The following SCRT1 variants were observed in gnomAD, a reference collection of about 807,000 sequenced individuals.
SCRT1 encodes the protein scratch family transcriptional repressor 1, also known as transcriptional repressor scratch 1.
SCRT1 carries 1 observed loss-of-function variant against 3.4 expected under a neutral mutation model. The observed-to-expected ratio is 0.29, with a 90% confidence interval of 0.10 to 1.39. The LOEUF (loss-of-function observed/expected upper bound fraction) is 1.39, where lower values mean the gene tolerates loss of function less well. Ranked by LOEUF, SCRT1 falls within the 40% of genes most tolerant of loss-of-function variation. SCRT1 has a pLI of 0.42. For synonymous variants in SCRT1, 238 were observed against 247.0 expected (o/e 0.96, Z 0.34); for missense variants, 380 against 526.3 (o/e 0.72, Z 2.72).
Position 144,336,233 on chromosome 8 carries a change from AG to A in SCRT1, c.-65del. 7.9e-7 allele frequency: 1 copy of A among 1,264,248 alleles called. No homozygotes were observed. Among genetic ancestry groups the A allele is most frequent in the Non-Finnish European group, 1.1e-6 (1 of 915,344 alleles). 78.3% of individuals were successfully genotyped at this position (1,264,248 alleles called of 1,614,324 possible). On this transcript the variant is annotated 5_prime_UTR_variant, in exon 1 of 2. Transcript: ENST00000569446. This position sits in a 1 kb window ranked among gnomAD's most constrained non-coding sequence, Gnocchi z 6.8. ...CGGGGCTTGGGGGGGCTGCGGCGGC[AG>A]GGCCCCGTCACCATCCGAGGAGCGG... is the stretch of plus-strand genomic sequence containing the variant.
In SCRT1 at chr8:144,332,460, T is replaced by A. The variant is rs1817789569; in HGVS notation, c.*725A>T. 6.6e-6 allele frequency: 1 copy of A among 151,240 alleles called. No homozygotes were observed. Among genetic ancestry groups the A allele is most frequent in the Non-Finnish European group, 1.5e-5 (1 of 67,828 alleles). 9.4% of individuals were successfully genotyped at this position (151,240 alleles called of 1,614,324 possible). A position where few individuals can be genotyped will look rare whatever the true frequency, so the allele number is the denominator to read the frequency against. ...GGTCTGAGGAGGTCGGATAAGTCCATGCGATTCGATATGTGTCATTATTAT... is the reference window on the plus strand; with the variant it reads ...GGTCTGAGGAGGTCGGATAAGTCCAAGCGATTCGATATGTGTCATTATTAT... On this transcript the variant is annotated 3_prime_UTR_variant, in exon 2 of 2. Transcript: ENST00000569446.
rs1554849800 is a variant in SCRT1, at chr8:144,333,174, G to A, written c.*11C>T. On this transcript the variant is annotated 3_prime_UTR_variant, in exon 2 of 2. Coordinates refer to ENST00000569446, the MANE Select transcript of SCRT1 (RefSeq NM_031309.6). ...CTGAGAGCCGACCTGGCTGGGGGAG[G>A]CCCCGCCGCCCTAGGCCTGCACAGG... 2 of 1,496,310 alleles carry A rather than the reference G, an allele frequency of 1.3e-6. No individual in the cohort carries two copies. The highest frequency in any genetic ancestry group is 2.6e-5 in the Admixed American group (1 of 38,468). The allele number at this position is 1,496,310 out of a possible 1,614,324, so 92.7% of individuals were successfully genotyped here.
Position 144,331,027 on chromosome 8 carries a change from G to A in SCRT1, c.*2158C>T, listed in dbSNP as rs1361638213. 2 of 152,564 alleles carry A rather than the reference G, an allele frequency of 1.3e-5. No homozygotes were observed. The highest frequency in any genetic ancestry group is 2.4e-5 in the African/African-American group (1 of 41,440). 9.5% of individuals were successfully genotyped at this position (152,564 alleles called of 1,614,324 possible). A position where few individuals can be genotyped will look rare whatever the true frequency, so the allele number is the denominator to read the frequency against. On this transcript the variant is annotated 3_prime_UTR_variant, in exon 2 of 2. Coordinates refer to ENST00000569446, the MANE Select transcript of SCRT1 (RefSeq NM_031309.6). ...AGCTTTCTCCTTAGGTAGGTAGACA[G>A]GAGTATGGGGTGGGGTGAGGTGGGG...
rs1554850248 is a variant in SCRT1 at position 144,336,028 on chromosome 8, G to A, written c.115+27C>T. ...CGCTTCCAGCAAAGCCCCAGGCCCC[G>A]CGCCCTGGTCTCAGACCAGCGCTCA... On this transcript the variant is annotated intron_variant, in intron 1 of 1. Coordinates refer to ENST00000569446, the MANE Select transcript of SCRT1 (RefSeq NM_031309.6). This position sits in a 1 kb window ranked among gnomAD's most constrained non-coding sequence, Gnocchi z 6.8. The A allele has an allele frequency of 3.3e-6, 5 of 1,498,928 alleles. No individual in the cohort carries two copies. The highest frequency in any genetic ancestry group is 4.9e-5 in the East Asian group (2 of 40,602). 92.9% of individuals were successfully genotyped at this position (1,498,928 alleles called of 1,614,324 possible). A position where few individuals can be genotyped will look rare whatever the true frequency, so the allele number is the denominator to read the frequency against.
Position 144,336,179 on chromosome 8 carries a change from G to C in SCRT1, c.-10C>G. ...GGAAGGACCTGGGCATGATTCCTGC[G>C]GGGCTCCGGCGCTGTGGGCCTGCGG... On this transcript the variant is annotated 5_prime_UTR_variant, in exon 1 of 2. Coordinates refer to ENST00000569446, the MANE Select transcript of SCRT1 (RefSeq NM_031309.6). The surrounding 1 kb of genome is among the most constrained non-coding windows in gnomAD (Gnocchi z 6.8). The C allele has an allele frequency of 6.3e-7, 1 of 1,576,040 alleles. No individual in the cohort carries two copies. Among genetic ancestry groups the C allele is most frequent in the South Asian group, 1.1e-5 (1 of 87,164 alleles).
In SCRT1 at chr8:144,335,114, G is replaced by A. The variant is rs902733845; in HGVS notation, c.115+941C>T. Among the ~76,000 whole-genome samples the A allele has an allele frequency of 6.6e-6, 1 of 152,196 alleles. No homozygotes were observed. Among genetic ancestry groups the A allele is most frequent in the Non-Finnish European group, 1.5e-5 (1 of 68,042 alleles). On this transcript the variant is annotated intron_variant, in intron 1 of 1. Transcript: ENST00000569446. This position sits in a 1 kb window ranked among gnomAD's most constrained non-coding sequence, Gnocchi z 7.7. ...GTCTCCCAGCATGATCAGCCCTTGT[G>A]TGCCCTCACAGGGTGGGCTGCACAC...
chr8:144,333,198 G>T lies in SCRT1; in HGVS notation c.1034C>A (p.Pro345His), dbSNP rs370594178. Residue 345 changes from proline to histidine, a missense_variant, in exon 2 of 2, where the codon CCT becomes CAT. Around this residue, in one of 5 missense-constraint regions of SCRT1, gnomAD observed 67 missense variants for 64.7 expected, o/e 1.04. Transcript: ENST00000569446. ...GGCCCCGCCGCCCTAGGCCTGCACAGGGCTGAGCTGTGGCGGCGCAGGAGC... is the reference window on the plus strand; with the variant it reads ...GGCCCCGCCGCCCTAGGCCTGCACATGGCTGAGCTGTGGCGGCGCAGGAGC... ...PAAPAPPQLS[P>H]VQA The T allele has an allele frequency of 3.2e-4, 508 of 1,573,836 alleles. 5 individuals are homozygous for T. The South Asian group carries it at 4.5e-3, about 14-fold the overall frequency.
rs1281698593 is a variant in SCRT1, at chr8:144,335,143, T to G, written c.115+912A>C. 6.6e-6 allele frequency among the ~76,000 whole-genome samples: 1 copy of G among 152,246 alleles called. No individual in the cohort carries two copies. ...CCTCACAGGGTGGGCTGCACACTGA[T>G]GTGCCGAACTCACCACCTCCTCACT... is the stretch of plus-strand genomic sequence containing the variant. On this transcript the variant is annotated intron_variant, in intron 1 of 1. Transcript: ENST00000569446. The surrounding 1 kb of genome is among the most constrained non-coding windows in gnomAD (Gnocchi z 7.7).
rs921586584 is a variant in SCRT1 at position 144,331,466 on chromosome 8, T to A, written c.*1719A>T. ...GGGGCATGTGAACCTAGGGACCTGG[T>A]CTCTCTGCATCTGCCGTTCTTCCCT... On this transcript the variant is annotated 3_prime_UTR_variant, in exon 2 of 2. Coordinates refer to ENST00000569446, the MANE Select transcript of SCRT1 (RefSeq NM_031309.6). 3.9e-5 allele frequency: 6 copies of A among 152,204 alleles called. No homozygotes were observed. Among genetic ancestry groups the A allele is most frequent in the African/African-American group, 1.5e-4 (6 of 41,370 alleles). The allele number at this position is 152,204 out of a possible 1,614,324, so 9.4% of individuals were successfully genotyped here.
Position 144,332,021 on chromosome 8 carries a change from A to C in SCRT1, c.*1164T>G, listed in dbSNP as rs1231145736. The C allele has an allele frequency of 1.4e-5, 2 of 147,910 alleles. No individual in the cohort carries two copies. Among genetic ancestry groups the C allele is most frequent in the Non-Finnish European group, 1.5e-5 (1 of 65,704 alleles). The allele number at this position is 147,910 out of a possible 1,614,324, so 9.2% of individuals were successfully genotyped here. A position where few individuals can be genotyped will look rare whatever the true frequency, so the allele number is the denominator to read the frequency against. ...TTGGCATAGACGGGCGAAAGTTGGC[A>C]ACCGAGTGGGGGCGGGGCCTGGGTC... On this transcript the variant is annotated 3_prime_UTR_variant, in exon 2 of 2. Coordinates refer to ENST00000569446, the MANE Select transcript of SCRT1 (RefSeq NM_031309.6).
rs1554850054 is a variant in SCRT1 at position 144,334,090 on chromosome 8, A to G, written c.142T>C (p.Ser48Pro). 1 of 1,460,298 alleles carries G rather than the reference A, an allele frequency of 6.8e-7. No homozygotes were observed. Among genetic ancestry groups the G allele is most frequent in the Non-Finnish European group, 9.1e-7 (1 of 1,096,496 alleles). The allele number at this position is 1,460,298 out of a possible 1,614,324, so 90.5% of individuals were successfully genotyped here. A position where few individuals can be genotyped will look rare whatever the true frequency, so the allele number is the denominator to read the frequency against. The part of the protein sequence containing the change: ...KGYLSDYVGP[S>P]SVYDGDAEAA... Reference sequence around the variant, plus strand: ...TCGGCGTCGCCATCGTAGACGGACGAGGGCCCCACGTAGTCGCTGAGGTAC... The same window carrying G: ...TCGGCGTCGCCATCGTAGACGGACGGGGGCCCCACGTAGTCGCTGAGGTAC... Residue 48 changes from serine to proline, a missense_variant, in exon 2 of 2, where the codon TCG becomes CCG. Ser to Pro is a moderately conservative substitution (Grantham distance 74). Around this residue, in one of 5 missense-constraint regions of SCRT1, gnomAD observed 125 missense variants for 132.7 expected, o/e 0.94. Coordinates refer to ENST00000569446, the MANE Select transcript of SCRT1 (RefSeq NM_031309.6).
Position 144,333,931 on chromosome 8 carries a change from A to G in SCRT1, c.301T>C (p.Tyr101His). ...RPELATAAGG[Y>H]INGDAAVSEG... ...CTGACGGCCGCGTCGCCGTTGATGTAGCCGCCCGCAGCGGTGGCCAGCTCC... is the reference window on the plus strand; with the variant it reads ...CTGACGGCCGCGTCGCCGTTGATGTGGCCGCCCGCAGCGGTGGCCAGCTCC... The change falls in exon 2 of 2, where the codon TAC becomes CAC. Residue 101 changes from tyrosine (Y) to histidine (H), a missense_variant. By Grantham distance (83) the Tyr-to-His change is moderately conservative. Coordinates refer to ENST00000569446, the MANE Select transcript of SCRT1 (RefSeq NM_031309.6). The G allele has an allele frequency of 7.6e-7, 1 of 1,319,788 alleles. No individual in the cohort carries two copies. Among genetic ancestry groups the G allele is most frequent in the Non-Finnish European group, 9.7e-7 (1 of 1,036,066 alleles). The allele number at this position is 1,319,788 out of a possible 1,614,324, so 81.8% of individuals were successfully genotyped here. A position where few individuals can be genotyped will look rare whatever the true frequency, so the allele number is the denominator to read the frequency against.
At position 144,333,004 on chromosome 8, in the gene SCRT1, C is replaced by T; in HGVS notation, c.*181G>A. 1.8e-6 allele frequency: 1 copy of T among 542,588 alleles called. No individual in the cohort carries two copies. The highest frequency in any genetic ancestry group is 3.1e-6 in the Non-Finnish European group (1 of 327,456). 33.6% of individuals were successfully genotyped at this position (542,588 alleles called of 1,614,324 possible). On this transcript the variant is annotated 3_prime_UTR_variant, in exon 2 of 2. Coordinates refer to ENST00000569446, the MANE Select transcript of SCRT1 (RefSeq NM_031309.6). ...TCGGGGTGGGTCTCCCCTCGGGACCCTATTGCTTGAAGGGGCCGGCAAGGC... is the reference window on the plus strand; with the variant it reads ...TCGGGGTGGGTCTCCCCTCGGGACCTTATTGCTTGAAGGGGCCGGCAAGGC...
intron 1 of SCRT1, 138 bp from the exon 2 acceptor site, chr8:144,334,254 A>C: frequency 1.6e-6 from 1 of 644,546 alleles, no homozygotes. Context: ...GAGGAGGACA[A>C]AGGAGAGGAG....
chr8:144,334,100 G>A lies in SCRT1; in HGVS notation c.132C>T (p.Tyr44=), dbSNP rs1554850060. The A allele has an allele frequency of 1.3e-6, 2 of 1,521,166 alleles. No individual in the cohort carries two copies. The highest frequency in any genetic ancestry group is 2.6e-5 in the East Asian group (1 of 38,796). 94.2% of individuals were successfully genotyped at this position (1,521,166 alleles called of 1,614,324 possible). The change falls in exon 2 of 2, where the codon TAC becomes TAT. Residue 44 remains tyrosine (Y), a synonymous_variant. Transcript: ENST00000569446. ...PLHDKGYLSD[Y]VGPSSVYDGD... Reference sequence around the variant, plus strand: ...CATCGTAGACGGACGAGGGCCCCACGTAGTCGCTGAGGTACCCTGCGGGCG... The same window carrying A: ...CATCGTAGACGGACGAGGGCCCCACATAGTCGCTGAGGTACCCTGCGGGCG...
In SCRT1 at chr8:144,333,730, C is replaced by G; in HGVS notation, c.502G>C (p.Gly168Arg). 9.1e-7 allele frequency: 1 copy of G among 1,096,140 alleles called. No homozygotes were observed. The highest frequency in any genetic ancestry group is 1.7e-5 in the African/African-American group (1 of 59,554). The allele number at this position is 1,096,140 out of a possible 1,614,324, so 67.9% of individuals were successfully genotyped here. ...GTGCCTGCCCCCGCGCGCGTGCCGC[C>G]CCGGCCCCCCGGCCCGGATCCCAAG... The part of the protein sequence containing the change: ...RSLGSGPGGR[G>R]GTRAGAGTEA... Residue 168 changes from glycine to arginine, a missense_variant, in exon 2 of 2, where the codon GGC becomes CGC. By Grantham distance (125) the Gly-to-Arg change is moderately radical. Transcript: ENST00000569446.
chr8:144,333,740 C>T lies in SCRT1; in HGVS notation c.492G>A (p.Pro164=), dbSNP rs1817838356. 1.8e-6 allele frequency: 2 copies of T among 1,119,366 alleles called. No individual in the cohort carries two copies. The highest frequency in any genetic ancestry group is 2.2e-6 in the Non-Finnish European group (2 of 917,206). 69.3% of individuals were successfully genotyped at this position (1,119,366 alleles called of 1,614,324 possible). The change falls in exon 2 of 2, where the codon CCG becomes CCA. Residue 164 remains proline (P), a synonymous_variant. Transcript: ENST00000569446. ...CCGCGCGCGTGCCGCCCCGGCCCCCCGGCCCGGATCCCAAGCTGCGCCCGC... is the reference window on the plus strand; with the variant it reads ...CCGCGCGCGTGCCGCCCCGGCCCCCTGGCCCGGATCCCAAGCTGCGCCCGC... ...GAGGRSLGSG[P]GGRGGTRAGA...
rs534677286 is a variant in SCRT1 at position 144,332,953 on chromosome 8, G to A, written c.*232C>T. ...CCCTATTGCTGGGAGAAAGCCGGGG[G>A]CACCCTGGAGGGGAGGGGAGGGGGC... On this transcript the variant is annotated 3_prime_UTR_variant, in exon 2 of 2. Transcript: ENST00000569446. The A allele has an allele frequency of 8.5e-6, 4 of 473,340 alleles. No homozygotes were observed. The highest frequency in any genetic ancestry group is 7.9e-5 in the Admixed American group (2 of 25,208). 29.3% of individuals were successfully genotyped at this position (473,340 alleles called of 1,614,324 possible).
chr8:144,333,738 C>T lies in SCRT1; in HGVS notation c.494G>A (p.Gly165Glu). The part of the protein sequence containing the change: ...AGGRSLGSGP[G>E]GRGGTRAGAG... ...CCCCGCGCGCGTGCCGCCCCGGCCC[C>T]CCGGCCCGGATCCCAAGCTGCGCCC... is the stretch of plus-strand genomic sequence containing the variant. The change falls in exon 2 of 2, where the codon GGG (glycine) becomes GAG (glutamate). Residue 165 changes from glycine to glutamate, a missense_variant. Physicochemically the swap from Gly to Glu is moderately conservative, Grantham distance 98 (BLOSUM62 -2). Around this residue, in one of 5 missense-constraint regions of SCRT1, gnomAD observed 115 missense variants for 107.3 expected, o/e 1.07. Transcript: ENST00000569446. The T allele has an allele frequency of 2.7e-6, 3 of 1,117,026 alleles. No homozygotes were observed. The highest frequency in any genetic ancestry group is 1.7e-5 in the African/African-American group (1 of 60,128). 69.2% of individuals were successfully genotyped at this position (1,117,026 alleles called of 1,614,324 possible). A position where few individuals can be genotyped will look rare whatever the true frequency, so the allele number is the denominator to read the frequency against.
Sources: gnomAD v4.1 joint callset for allele counts (sites outside exome capture counted in the v4.1 genomes callset) on GRCh38, gnomAD v4.1.1 for gene constraint, gnomAD v4.1.1 regional missense constraint, Gnocchi (gnomAD v3.1) non-coding constraint, MANE v1.5 for transcripts, NCBI Gene and HGNC (gene_info 2026-07-23, HGNC 2026-07-21) for gene names.